Variants in PDE1C observed in about 807,000 individuals in gnomAD.
PDE1C encodes the protein dual specificity calcium/calmodulin-dependent 3',5'-cyclic nucleotide phosphodiesterase 1C.
PDE1C carries 62 observed loss-of-function variants against 93.1 expected under a neutral mutation model. The ratio of observed to expected loss-of-function variants is 0.67; its 90% CI spans 0.54 to 0.82. PDE1C has a LOEUF of 0.82. PDE1C is among the 40% of genes least tolerant of loss of function. The pLI is 0.00. For missense variants in PDE1C, 742 were observed against 884.6 expected, an observed-to-expected ratio of 0.84 and a Z score of 2.04; for synonymous variants, 325 against 310.1, an observed-to-expected ratio of 1.05 and a Z score of -0.50.
At chr7:31,788,278 A>G (rs1433070229) in intron 16 of PDE1C, 2 of 152,156 alleles carry the variant, frequency 1.3e-5, no homozygotes, top group African/African-American at 2.4e-5. Flanking sequence ...TCAAAAATTG[A>G]CATACTCTTG....
At chr7:31,773,401 G>T (rs1251862824) in intron 17 of PDE1C, among the ~76,000 whole-genome samples, 1 of 152,162 alleles carries the variant, frequency 6.6e-6, no homozygotes, top group East Asian at 1.9e-4. Flanking sequence ...GGACAGCTCT[G>T]CATATTCTTG....
chr7:32,261,495 G>A (rs938759843), intron 1 of PDE1C, among the ~76,000 whole-genome samples: 1 of 152,054 alleles, frequency 6.6e-6, no homozygotes, highest in Non-Finnish European at 1.5e-5. Context: ...CCAGTCTCTC[G>A]CACAGCCAGC....
intron 1 of PDE1C, among the ~76,000 whole-genome samples, chr7:32,231,264 A>T (rs1255322651): frequency 1.3e-5 from 2 of 152,178 alleles, no homozygotes; most frequent in Non-Finnish European, 2.9e-5. Context: ...TTCTGGGAAG[A>T]TGTTCACCAG....
intron 1 of PDE1C, among the ~76,000 whole-genome samples, chr7:32,339,048 A>ACACACACAC (rs1554308604): frequency 6.7e-6 from 1 of 149,592 alleles, no homozygotes; most frequent in African/African-American, 2.4e-5. Flanking sequence ...ACACACACAC[A>ACACACACAC]AAGAGTATTA....
intron 1 of PDE1C, among the ~76,000 whole-genome samples, chr7:32,341,020 T>C (rs760894397): frequency 8.6e-5 from 13 of 151,960 alleles, no homozygotes; most frequent in Non-Finnish European, 1.9e-4. Context: ...TAATGATGTG[T>C]CCATGTAGGT....
chr7:31,999,576 T>C (rs1460032124), intron 2 of PDE1C, among the ~76,000 whole-genome samples: 1 of 152,126 alleles, frequency 6.6e-6, no homozygotes, highest in Non-Finnish European at 1.5e-5. Context: ...TCATATGACA[T>C]TGATAAATTA....
chr7:32,020,790 C>A (rs914227878), intron 2 of PDE1C, among the ~76,000 whole-genome samples: 1 of 152,108 alleles, frequency 6.6e-6, no homozygotes, highest in South Asian at 2.1e-4. Flanking sequence ...AAATCAAAAT[C>A]TTCCCAACAA....
At chr7:31,769,059 G>T (rs1795318894) in intron 17 of PDE1C, among the ~76,000 whole-genome samples, 1 of 152,032 alleles carries the variant, frequency 6.6e-6, no homozygotes, top group Non-Finnish European at 1.5e-5. Context: ...GCCTCCCAAA[G>T]TGCTGAGATT....
At chr7:32,035,112 G>T (rs568236142) in intron 2 of PDE1C, among the ~76,000 whole-genome samples, 19 of 152,032 alleles carry the variant, frequency 1.2e-4, no homozygotes, top group Middle Eastern at 6.8e-3. Flanking sequence ...AAAAGCCACC[G>T]AAATCCAACC....
At chr7:32,185,457 G>T (rs1342329435) in intron 2 of PDE1C, among the ~76,000 whole-genome samples, 1 of 151,856 alleles carries the variant, frequency 6.6e-6, no homozygotes, top group Non-Finnish European at 1.5e-5. Flanking sequence ...CCCAATATTT[G>T]AATAAAATTG....
At chr7:31,634,195 C>T in the PDE1C span, among the ~76,000 whole-genome samples, 1 of 152,118 alleles carries the variant, frequency 6.6e-6, no homozygotes, top group African/African-American at 2.4e-5. Flanking sequence ...GTAGTCCTGC[C>T]CCAAGCAGGG....
intron 3 of PDE1C, among the ~76,000 whole-genome samples, chr7:32,110,093 A>G (rs1237703566): frequency 6.6e-6 from 1 of 152,166 alleles, no homozygotes; most frequent in Non-Finnish European, 1.5e-5. Context: ...AACTAAGGCC[A>G]TGGGTCAAAT....
intron 2 of PDE1C, among the ~76,000 whole-genome samples, chr7:32,206,297 G>A (rs1020529308): frequency 1.3e-5 from 2 of 152,038 alleles, no homozygotes; most frequent in African/African-American, 4.8e-5. Context: ...GAGCAGAAAG[G>A]GGCCAGTTTA....
At chr7:32,246,595 T>C (rs1808976503) in intron 1 of PDE1C, among the ~76,000 whole-genome samples, 1 of 152,186 alleles carries the variant, frequency 6.6e-6, no homozygotes. Flanking sequence ...CATGGAAATA[T>C]GTAATCCCTA....
At chr7:32,006,180 C>A (rs983477542) in intron 2 of PDE1C, among the ~76,000 whole-genome samples, 7 of 151,970 alleles carry the variant, frequency 4.6e-5, no homozygotes, top group Non-Finnish European at 8.8e-5. Context: ...AAATAAATAC[C>A]GTTGAAATTT....
intron 3 of PDE1C, among the ~76,000 whole-genome samples, chr7:32,105,817 C>T (rs1414961007): frequency 6.6e-6 from 1 of 151,618 alleles, no homozygotes; most frequent in African/African-American, 2.4e-5. Flanking sequence ...TAAGCCACCA[C>T]ACCTGGTCTG....
the PDE1C span, among the ~76,000 whole-genome samples, chr7:31,703,680 G>C: frequency 6.6e-6 from 1 of 152,178 alleles, no homozygotes; most frequent in Non-Finnish European, 1.5e-5. Context: ...ATGTTCAGAA[G>C]GACTCACATT....
chr7:31,855,804 A>G (rs1469371014), intron 7 of PDE1C, among the ~76,000 whole-genome samples: 1 of 149,918 alleles, frequency 6.7e-6, no homozygotes, highest in Non-Finnish European at 1.5e-5. Flanking sequence ...AAAAAAAAAA[A>G]AAAAAGACAA....
chr7:31,682,587 G>A, the PDE1C span, among the ~76,000 whole-genome samples: 1 of 152,166 alleles, frequency 6.6e-6, no homozygotes, highest in East Asian at 1.9e-4. Context: ...AATTAAACAT[G>A]CCACTACCAT....
Sources: allele counts gnomAD v4.1 joint callset (sites outside exome capture counted in the v4.1 genomes callset), GRCh38; gene constraint gnomAD v4.1.1; transcripts MANE v1.5; gene names NCBI Gene and HGNC (gene_info 2026-07-23, HGNC 2026-07-21).